Variants in AUTS2 observed in about 807,000 individuals in gnomAD.
AUTS2 encodes autism susceptibility gene 2 protein.
AUTS2 carries 17 observed loss-of-function variants against 112.4 expected under a neutral mutation model. The observed-to-expected ratio is 0.15, with a 90% confidence interval of 0.10 to 0.23. The LOEUF is 0.23. Ranked by LOEUF, AUTS2 falls within the 10% of genes least tolerant of loss-of-function variation. The probability of loss-of-function intolerance (pLI) is 1.00; values close to 1 mark genes in which losing one functional copy is unlikely to be tolerated. For missense variants in AUTS2, 1,510 were observed against 1,701.6 expected, an observed-to-expected ratio of 0.89 and a Z score of 1.98; for synonymous variants, 751 against 702.7, an observed-to-expected ratio of 1.07 and a Z score of -1.09.
chr7:70,761,745 A>G lies in AUTS2; in HGVS notation c.743-1125A>G, dbSNP rs531927759. On this transcript the variant is annotated intron_variant, in intron 6 of 18. Transcript: ENST00000342771. ...ATCTTTTGACCTTTGGAGGGAGTAC[A>G]TCTTTTACATCCATACAGGAGCAGC... 4.1e-4 allele frequency among the ~76,000 whole-genome samples: 63 copies of G among 152,322 alleles called. 1 individual carries two copies. In the South Asian group the frequency reaches 0.01, roughly 25 times the overall value.
intron 5 of AUTS2, among the ~76,000 whole-genome samples, chr7:70,607,482 C>CA (rs1193933131): frequency 6.6e-6 from 1 of 152,104 alleles, no homozygotes. Flanking sequence ...CAAGACAACT[C>CA]ACGATGCAGA....
chr7:70,597,503 C>A (rs965268249), intron 5 of AUTS2, among the ~76,000 whole-genome samples: 1 of 152,148 alleles, frequency 6.6e-6, no homozygotes, highest in Non-Finnish European at 1.5e-5. Flanking sequence ...CAAGCTTCAT[C>A]GAAGTTACTC....
rs1213694004 is a variant in AUTS2, at chr7:70,496,237, TCACA to T, written c.690+60470_690+60473del. Among the ~76,000 whole-genome samples the T allele has an allele frequency of 1.1e-3, 29 of 25,612 alleles. 1 individual carries two copies. Among genetic ancestry groups the T allele is most frequent in the South Asian group, 3.6e-3 (3 of 826 alleles). 16.8% of individuals were successfully genotyped at this position (25,612 alleles called of 152,430 possible). A position where few individuals can be genotyped will look rare whatever the true frequency, so the allele number is the denominator to read the frequency against. On this transcript the variant is annotated intron_variant, in intron 5 of 18. Coordinates refer to ENST00000342771, the MANE Select transcript of AUTS2 (RefSeq NM_015570.4). ...TCGATCACACACACCACGTACACAG[TCACA>T]CACACACACACACCCCACACATGCA... is the stretch of plus-strand genomic sequence containing the variant.
At chr7:70,172,781 A>G (rs1282186436) in intron 4 of AUTS2, among the ~76,000 whole-genome samples, 1 of 152,178 alleles carries the variant, frequency 6.6e-6, no homozygotes, top group Non-Finnish European at 1.5e-5. Context: ...TATTATGTCT[A>G]CAATATAATG....
chr7:70,573,231 T>G (rs1802024118), intron 5 of AUTS2, among the ~76,000 whole-genome samples: 1 of 152,202 alleles, frequency 6.6e-6, no homozygotes, highest in Non-Finnish European at 1.5e-5. Flanking sequence ...AACAAGTATC[T>G]CATTACAGAA....
Position 70,632,990 on chromosome 7 carries a change from TG to T in AUTS2, c.691-65573del, listed in dbSNP as rs142345726. On this transcript the variant is annotated intron_variant, in intron 5 of 18. Coordinates refer to ENST00000342771, the MANE Select transcript of AUTS2 (RefSeq NM_015570.4). The stretch of plus-strand genomic sequence containing the variant: ...GAGCAGTAGGCAAAGCCCTCTACCT[TG>T]GGGGGAAAAAAAAAAGTTGGTCTGG... 7.5e-3 allele frequency among the ~76,000 whole-genome samples: 1,118 copies of T among 149,382 alleles called. 10 individuals are homozygous for T. Among genetic ancestry groups the T allele is most frequent in the Non-Finnish European group, 9.3e-3 (630 of 67,864 alleles).
intron 11 of AUTS2, among the ~76,000 whole-genome samples, chr7:70,773,600 A>G (rs1489680732): frequency 6.6e-6 from 1 of 152,222 alleles, no homozygotes; most frequent in Admixed American, 6.5e-5. Flanking sequence ...AAGTACTTCC[A>G]GTTATTCTGA....
chr7:70,190,756 G>A (rs540693386), intron 4 of AUTS2, among the ~76,000 whole-genome samples: 1 of 152,190 alleles, frequency 6.6e-6, no homozygotes, highest in Admixed American at 6.5e-5. Context: ...TGCTTATAAA[G>A]TAATAGGAGT....
At chr7:70,614,391 G>A (rs936857109) in intron 5 of AUTS2, among the ~76,000 whole-genome samples, 4 of 152,158 alleles carry the variant, frequency 2.6e-5, no homozygotes, top group African/African-American at 9.7e-5. Context: ...CACAGTCACA[G>A]GCCCTTGAAA....
Position 70,784,946 on chromosome 7 carries a change from T to A in AUTS2, c.2151T>A (p.Ala717=). ...TCGTTATGTTTGACTTAACAGGTGC[T>A]GCACACCCAACTGGGACCCCTTTTG... The part of the protein sequence containing the change: ...RPSTLFSAAG[A]AHPTGTPFGP... Residue 717 remains alanine (A), a synonymous_variant, in exon 16 of 19, where the codon GCT becomes GCA. Transcript: ENST00000342771. The A allele has an allele frequency of 6.2e-7, 1 of 1,614,148 alleles. No homozygotes were observed. Among genetic ancestry groups the A allele is most frequent in the South Asian group, 1.1e-5 (1 of 91,080 alleles).
intron 5 of AUTS2, among the ~76,000 whole-genome samples, chr7:70,646,968 A>T (rs76974091): frequency 0.014 from 2,101 of 152,246 alleles, 45 homozygotes; most frequent in East Asian, 0.062. Flanking sequence ...AGCAGTTTCA[A>T]ACTCAGGGCT....
At chr7:69,789,940 C>CT (rs140562803) in intron 1 of AUTS2, among the ~76,000 whole-genome samples, 4 of 137,842 alleles carry the variant, frequency 2.9e-5, no homozygotes, top group Non-Finnish European at 6.7e-5. Flanking sequence ...AAATAAATAT[C>CT]TTTTTTTTCA....
intron 12 of AUTS2, 163 bp downstream of exon 12, chr7:70,774,262 A>G (rs1790546551): frequency 1.5e-6 from 1 of 663,202 alleles, no homozygotes; most frequent in Non-Finnish European, 2.7e-6. Context: ...CTTAGAAAAC[A>G]CAGTCTCTCC....
intron 4 of AUTS2, among the ~76,000 whole-genome samples, chr7:70,305,051 G>A (rs1374969841): frequency 6.6e-6 from 1 of 151,990 alleles, no homozygotes; most frequent in Non-Finnish European, 1.5e-5. Flanking sequence ...TTTCTCAAAG[G>A]CCATTAAATA....
intron 3 of AUTS2, among the ~76,000 whole-genome samples, chr7:70,127,950 C>CT: frequency 6.6e-6 from 1 of 152,088 alleles, no homozygotes. Flanking sequence ...CCCTCCCTCC[C>CT]TCTCTTGAAA....
intron 2 of AUTS2, among the ~76,000 whole-genome samples, chr7:70,077,942 A>T (rs182061722): frequency 6.6e-6 from 1 of 152,304 alleles, no homozygotes; most frequent in East Asian, 1.9e-4. Flanking sequence ...TGTCATCATA[A>T]TTCTGGAAGA....
At chr7:70,778,571 TA>T (rs796134070) in intron 14 of AUTS2, among the ~76,000 whole-genome samples, 72 of 77,516 alleles carry the variant, frequency 9.3e-4, no homozygotes, top group Admixed American at 1.6e-3. Context: ...ATCTCATCTC[TA>T]AAAAAAAAAA....
At chr7:70,268,234 A>G (rs1175588872) in intron 4 of AUTS2, among the ~76,000 whole-genome samples, 1 of 152,138 alleles carries the variant, frequency 6.6e-6, no homozygotes, top group Non-Finnish European at 1.5e-5. Context: ...AACACCTTTG[A>G]TGACATTTTA....
intron 5 of AUTS2, among the ~76,000 whole-genome samples, chr7:70,674,723 T>C (rs538763870): frequency 6.6e-6 from 1 of 152,252 alleles, no homozygotes; most frequent in South Asian, 2.1e-4. Flanking sequence ...GAGCTAAGCA[T>C]GTACTCTAGA....
Sources: allele counts gnomAD v4.1 joint callset (sites outside exome capture counted in the v4.1 genomes callset), GRCh38; gene constraint gnomAD v4.1.1; transcripts MANE v1.5; gene names NCBI Gene and HGNC (gene_info 2026-07-23, HGNC 2026-07-21).